The following TACR3 variants were observed in gnomAD, a reference collection of about 807,000 sequenced individuals.
TACR3 encodes neuromedin-K receptor.
In TACR3, 34 loss-of-function variants were observed where a neutral mutation model predicts 35.0. The observed-to-expected ratio is 0.97, with a 90% confidence interval of 0.74 to 1.30. The LOEUF is 1.30. Ranked by LOEUF, TACR3 falls within the 50% of genes most tolerant of loss-of-function variation. The probability of loss-of-function intolerance (pLI) is 0.00; values close to 1 mark genes in which losing one functional copy is unlikely to be tolerated. For synonymous variants in TACR3, 233 were observed against 221.1 expected, an observed-to-expected ratio of 1.05 and a Z score of -0.48; for missense variants, 558 against 591.7, an observed-to-expected ratio of 0.94 and a Z score of 0.59.
At chr4:103,688,295 C>G (rs924111289) in intron 1 of TACR3, among the ~76,000 whole-genome samples, 1 of 152,124 alleles carries the variant, frequency 6.6e-6, no homozygotes, top group African/African-American at 2.4e-5. Context: ...CATAAAAACC[C>G]TAGAAGAAAA....
chr4:103,617,951 G>A (rs1724697436), intron 3 of TACR3, among the ~76,000 whole-genome samples: 1 of 152,128 alleles, frequency 6.6e-6, no homozygotes, highest in South Asian at 2.1e-4. Flanking sequence ...CAGATGTCAT[G>A]ATGCTTGTAG....
intron 1 of TACR3, among the ~76,000 whole-genome samples, chr4:103,701,920 A>C (rs915001096): frequency 2.7e-5 from 4 of 149,002 alleles, no homozygotes; most frequent in African/African-American, 5.0e-5. Context: ...TAAAGACTTA[A>C]ATGTTAGACC....
intron 1 of TACR3, among the ~76,000 whole-genome samples, chr4:103,702,006 T>G (rs1427920192): frequency 2.0e-5 from 3 of 152,126 alleles, no homozygotes; most frequent in African/African-American, 7.2e-5. Context: ...ACTTCATGTC[T>G]AAAACACCAA....
At chr4:103,703,618 G>T (rs2110225404) in intron 1 of TACR3, among the ~76,000 whole-genome samples, 1 of 152,222 alleles carries the variant, frequency 6.6e-6, no homozygotes, top group East Asian at 1.9e-4. Flanking sequence ...AACCCCAGTT[G>T]TCTAATCTGC....
intron 3 of TACR3, among the ~76,000 whole-genome samples, chr4:103,608,610 C>T (rs550498051): frequency 6.6e-6 from 1 of 152,104 alleles, no homozygotes; most frequent in East Asian, 1.9e-4. Context: ...AGATTGGAAG[C>T]TGGGTGGAGG....
chr4:103,676,753 A>G (rs1726180142), intron 1 of TACR3, among the ~76,000 whole-genome samples: 1 of 152,120 alleles, frequency 6.6e-6, no homozygotes, highest in African/African-American at 2.4e-5. Flanking sequence ...AAACCCCATA[A>G]AAACCCTGGA....
chr4:103,663,861 A>G (rs1021268891), intron 1 of TACR3, among the ~76,000 whole-genome samples: 1 of 152,232 alleles, frequency 6.6e-6, no homozygotes, highest in African/African-American at 2.4e-5. Flanking sequence ...CCTTGAGAAT[A>G]AATAGTCAGA....
intron 1 of TACR3, among the ~76,000 whole-genome samples, chr4:103,711,034 T>G (rs567178526): frequency 4.6e-5 from 7 of 152,256 alleles, no homozygotes; most frequent in Middle Eastern, 3.4e-3. Flanking sequence ...CAGGGCCAGA[T>G]GGATTCACAG....
rs2110236525 is a variant in TACR3 at position 103,719,701 on chromosome 4, C to T, written c.-26G>A. Reference sequence around the variant, plus strand: ...CGCCACCGGTCTGCAGTCCCGGACCCTCCCACTCACCCACGGGCAGCCCAA... The same window carrying T: ...CGCCACCGGTCTGCAGTCCCGGACCTTCCCACTCACCCACGGGCAGCCCAA... On this transcript the variant is annotated 5_prime_UTR_variant, in exon 1 of 5. Transcript: ENST00000304883. The T allele has an allele frequency of 6.2e-7, 1 of 1,604,356 alleles. No homozygotes were observed.
chr4:103,656,395 T>G (rs771265959), intron 2 of TACR3, 51 bp from the exon 3 acceptor site: 3 of 1,573,936 alleles, frequency 1.9e-6, no homozygotes, highest in Non-Finnish European at 2.6e-6. Context: ...GAATGAAATA[T>G]TGGGGACTGA....
At chr4:103,621,761 C>A (rs575473726) in intron 3 of TACR3, among the ~76,000 whole-genome samples, 78 of 152,258 alleles carry the variant, frequency 5.1e-4, no homozygotes, top group African/African-American at 1.8e-3. Context: ...TTTTTACCAG[C>A]TTACTTTGAA....
chr4:103,674,278 G>A (rs1368865320), intron 1 of TACR3, among the ~76,000 whole-genome samples: 1 of 151,424 alleles, frequency 6.6e-6, no homozygotes, highest in African/African-American at 2.4e-5. Context: ...GCTATCCAGA[G>A]CACAATGAAT....
chr4:103,630,794 C>A (rs1297087653), intron 3 of TACR3, among the ~76,000 whole-genome samples: 2 of 152,070 alleles, frequency 1.3e-5, no homozygotes, highest in Non-Finnish European at 2.9e-5. Flanking sequence ...GTATCTAGAA[C>A]TAGAAAAACC....
At chr4:103,635,287 G>C (rs545122950) in intron 3 of TACR3, among the ~76,000 whole-genome samples, 2 of 151,822 alleles carry the variant, frequency 1.3e-5, no homozygotes, top group Admixed American at 6.6e-5. Flanking sequence ...TAGGGCTAAG[G>C]GTTGAAGAGG....
chr4:103,683,479 A>G (rs1722148745), intron 1 of TACR3, among the ~76,000 whole-genome samples: 1 of 147,022 alleles, frequency 6.8e-6, no homozygotes, highest in Admixed American at 6.8e-5. Flanking sequence ...CCAAAAAAAA[A>G]AAAAAAAAAA....
intron 1 of TACR3, among the ~76,000 whole-genome samples, chr4:103,675,391 T>C (rs1302186890): frequency 1.3e-5 from 2 of 152,138 alleles, no homozygotes; most frequent in African/African-American, 4.8e-5. Flanking sequence ...ACCTACTATA[T>C]TGTGGGAAAT....
intron 3 of TACR3, among the ~76,000 whole-genome samples, chr4:103,595,244 A>C (rs1331461785): frequency 6.6e-6 from 1 of 152,158 alleles, no homozygotes; most frequent in Admixed American, 6.6e-5. Flanking sequence ...GGTAAACTTT[A>C]AGAAATTCTT....
intron 3 of TACR3, among the ~76,000 whole-genome samples, chr4:103,639,334 C>T (rs927507717): frequency 1.1e-4 from 17 of 151,972 alleles, no homozygotes; most frequent in Admixed American, 2.0e-4. Flanking sequence ...AGCAAACTAT[C>T]GCCAGGACAA....
intron 3 of TACR3, among the ~76,000 whole-genome samples, chr4:103,615,375 T>G (rs1724624333): frequency 8.5e-6 from 1 of 117,086 alleles, no homozygotes; most frequent in African/African-American, 4.2e-5. Flanking sequence ...TTTCCTGCTA[T>G]CGTGTGTGTG....
Sources: gnomAD v4.1 joint callset for allele counts (sites outside exome capture counted in the v4.1 genomes callset) on GRCh38, gnomAD v4.1.1 for gene constraint, MANE v1.5 for transcripts, NCBI Gene and HGNC (gene_info 2026-07-23, HGNC 2026-07-21) for gene names.